The following ZFP91 variants were observed in gnomAD, a reference collection of about 807,000 sequenced individuals.
The protein encoded by ZFP91 is ZFP91 zinc finger protein, atypical E3 ubiquitin ligase.
A neutral mutation model predicts 63.5 loss-of-function variants in ZFP91; 7 were observed. That is an observed-to-expected ratio of 0.11 (90% CI 0.06 to 0.21). The LOEUF is 0.21. Ranked by LOEUF, ZFP91 falls within the 10% of genes least tolerant of loss-of-function variation. ZFP91 has a pLI of 1.00. For synonymous variants in ZFP91, 330 were observed against 272.1 expected (o/e 1.21, Z -2.10); for missense variants, 628 against 736.6 (o/e 0.85, Z 1.71).
Position 58,579,597 on chromosome 11 carries a change from C to A in ZFP91, c.316C>A (p.Gln106Lys), listed in dbSNP as rs961911989. 1.3e-6 allele frequency: 2 copies of A among 1,578,502 alleles called. No homozygotes were observed. The highest frequency in any genetic ancestry group is 1.7e-6 in the Non-Finnish European group (2 of 1,165,920). Residue 106 changes from glutamine (Q) to lysine (K), a missense_variant, in exon 1 of 11, where the codon CAG becomes AAG. By Grantham distance (53) the Gln-to-Lys change is moderately conservative. Around this residue, in one of 3 missense-constraint regions of ZFP91, gnomAD observed 437 missense variants for 380.3 expected, o/e 1.15. Coordinates refer to ENST00000316059, the MANE Select transcript of ZFP91 (RefSeq NM_053023.5). ...GGCCGCGAAGTCCCCGTCTCCAGTT[C>A]AGGGCAAGAAGAGTCCGCGACTCCT... ...PQAAKSPSPV[Q>K]GKKSPRLLCI...
chr11:58,587,570 C>G (rs184683191), intron 2 of ZFP91, among the ~76,000 whole-genome samples: 56 of 152,252 alleles, frequency 3.7e-4, no homozygotes, highest in African/African-American at 1.3e-3. Context: ...TGTGGAGTTT[C>G]CAAGAGTGTT....
chr11:58,612,201 G>A, intron 6 of ZFP91, 77 bp from the exon 7 acceptor site: 2 of 1,408,238 alleles, frequency 1.4e-6, no homozygotes, highest in East Asian at 2.3e-5. Flanking sequence ...GTGTGTGTGT[G>A]TGTGTGTCTT....
Position 58,617,126 on chromosome 11 carries a change from C to T in ZFP91, c.1203-70C>T. 5 of 1,441,296 alleles carry T rather than the reference C, an allele frequency of 3.5e-6. No individual in the cohort carries two copies. The highest frequency in any genetic ancestry group is 4.7e-6 in the Non-Finnish European group (5 of 1,074,882). The allele number at this position is 1,441,296 out of a possible 1,614,324, so 89.3% of individuals were successfully genotyped here. A position where few individuals can be genotyped will look rare whatever the true frequency, so the allele number is the denominator to read the frequency against. ...TGTATATATATGCTCTAAACTCTAA[C>T]CCTGATCCTGAATAAGAGCACTCTT... On this transcript the variant is annotated intron_variant, in intron 10 of 10. Transcript: ENST00000316059. This position sits in a 1 kb window ranked among gnomAD's most constrained non-coding sequence, Gnocchi z 4.2.
At chr11:58,601,442 C>G (rs1369041052) in intron 2 of ZFP91, among the ~76,000 whole-genome samples, 3 of 152,080 alleles carry the variant, frequency 2.0e-5, no homozygotes, top group Non-Finnish European at 4.4e-5. Flanking sequence ...ATTTTCATTT[C>G]TGGTTTTAGT....
chr11:58,617,070 T>TTTTGTG lies in ZFP91; in HGVS notation c.1203-125_1203-124insTTGTGT, dbSNP rs1554959246. 3.9e-4 allele frequency: 292 copies of TTTTGTG among 740,614 alleles called. No individual in the cohort carries two copies. Among genetic ancestry groups the TTTTGTG allele is most frequent in the Non-Finnish European group, 5.7e-4 (268 of 472,848 alleles). The allele number at this position is 740,614 out of a possible 1,614,324, so 45.9% of individuals were successfully genotyped here. ...TTCAAAAGAAGTATGTTACTGATTA[T>TTTTGTG]TGTGTGTGTGTGTGTGTGTGTGTGT... On this transcript the variant is annotated intron_variant, in intron 10 of 10. Coordinates refer to ENST00000316059, the MANE Select transcript of ZFP91 (RefSeq NM_053023.5). The surrounding 1 kb of genome is among the most constrained non-coding windows in gnomAD (Gnocchi z 4.2).
rs1012417867 is a variant in ZFP91 at position 58,579,530 on chromosome 11, C to T, written c.249C>T (p.Ser83=). 6 of 1,574,382 alleles carry T rather than the reference C, an allele frequency of 3.8e-6. No homozygotes were observed. In the Admixed American group the frequency reaches 7.2e-5, roughly 19 times the overall value. The part of the protein sequence containing the change: ...KAEYPRRRRS[S]PSARPPDVPG... Reference sequence around the variant, plus strand: ...AGTATCCCCGCCGGCGGAGGAGCAGCCCCAGCGCCAGGCCTCCCGACGTCC... The same window carrying T: ...AGTATCCCCGCCGGCGGAGGAGCAGTCCCAGCGCCAGGCCTCCCGACGTCC... The change falls in exon 1 of 11, where the codon AGC becomes AGT. Residue 83 remains serine (S), a synonymous_variant. Coordinates refer to ENST00000316059, the MANE Select transcript of ZFP91 (RefSeq NM_053023.5).
chr11:58,618,170 C>A lies in ZFP91; in HGVS notation c.*464C>A. ...CCTGCGGCACACTTATCTTCAAATA[C>A]CATAGAATTCTAATCTCTGGAGGCT... On this transcript the variant is annotated 3_prime_UTR_variant, in exon 11 of 11. Coordinates refer to ENST00000316059, the MANE Select transcript of ZFP91 (RefSeq NM_053023.5). 1 of 158,090 alleles carries A rather than the reference C, an allele frequency of 6.3e-6. No homozygotes were observed. The highest frequency in any genetic ancestry group is 1.9e-4 in the South Asian group (1 of 5,180). 9.8% of individuals were successfully genotyped at this position (158,090 alleles called of 1,614,324 possible). A position where few individuals can be genotyped will look rare whatever the true frequency, so the allele number is the denominator to read the frequency against.
chr11:58,611,094 T>C (rs1445044024), intron 5 of ZFP91, 40 bp downstream of exon 5: 2 of 1,579,146 alleles, frequency 1.3e-6, no homozygotes, highest in Admixed American at 1.7e-5. Flanking sequence ...TAATGAAATA[T>C]AAGTAGGAAA....
chr11:58,581,269 T>A (rs1855110558), intron 1 of ZFP91, among the ~76,000 whole-genome samples: 1 of 152,244 alleles, frequency 6.6e-6, no homozygotes. Context: ...AAAATATTTT[T>A]AAAATTTCCT....
At chr11:58,586,874 G>A in intron 2 of ZFP91, among the ~76,000 whole-genome samples, 1 of 152,084 alleles carries the variant, frequency 6.6e-6, no homozygotes, top group East Asian at 1.9e-4. Context: ...ACTTTAAACA[G>A]GTTTTATTTT....
At chr11:58,616,514 A>C (rs1276546462) in intron 9 of ZFP91, among the ~76,000 whole-genome samples, 7 of 152,012 alleles carry the variant, frequency 4.6e-5, no homozygotes, top group Non-Finnish European at 1.0e-4. Context: ...TTTTTTAAAC[A>C]GGTCCTTATG....
intron 2 of ZFP91, among the ~76,000 whole-genome samples, chr11:58,604,671 C>T (rs1189561758): frequency 6.6e-6 from 1 of 152,218 alleles, no homozygotes; most frequent in Admixed American, 6.5e-5. Context: ...CTGAATGCGG[C>T]TCAGAACGGC....
intron 1 of ZFP91, 40 bp downstream of exon 1, chr11:58,579,662 C>T: frequency 6.7e-7 from 1 of 1,498,460 alleles, no homozygotes; most frequent in Non-Finnish European, 8.9e-7. Flanking sequence ...AGACCCCCCT[C>T]TGTCCGTACG....
chr11:58,592,720 T>G (rs1440143043), intron 2 of ZFP91, among the ~76,000 whole-genome samples: 1 of 152,084 alleles, frequency 6.6e-6, no homozygotes, highest in African/African-American at 2.4e-5. Flanking sequence ...GACTTTCAGT[T>G]AAATTGGGAG....
rs183467698 is a variant in ZFP91, at chr11:58,612,017, A to G, written c.858-261A>G. On this transcript the variant is annotated intron_variant, in intron 6 of 10. Coordinates refer to ENST00000316059, the MANE Select transcript of ZFP91 (RefSeq NM_053023.5). The stretch of plus-strand genomic sequence containing the variant: ...GCAACTCTAAAAGTAATACATTGAG[A>G]TTCTTCTAAGTCTTTCATAGTATTG... The G allele has an allele frequency of 9.5e-6, 5 of 525,774 alleles. No homozygotes were observed. The East Asian group carries it at 1.5e-4, about 16-fold the overall frequency. The allele number at this position is 525,774 out of a possible 1,614,324, so 32.6% of individuals were successfully genotyped here.
In ZFP91 at chr11:58,609,863, C is replaced by G; in HGVS notation, c.404C>G (p.Ser135Cys). The G allele has an allele frequency of 6.2e-7, 1 of 1,614,176 alleles. No homozygotes were observed. Among genetic ancestry groups the G allele is most frequent in the Non-Finnish European group, 8.5e-7 (1 of 1,180,016 alleles). ...PKEEKEEEDD[S>C]ALPQEVSIAA... is the part of the protein sequence containing the mutation. ...GAAGAAAAAGAGGAAGAAGACGATT[C>G]TGCCCTCCCTCAGGAAGTTTCCATT... Residue 135 changes from serine to cysteine, a missense_variant, in exon 3 of 11, where the codon TCT becomes TGT. By Grantham distance (112) the Ser-to-Cys change is moderately radical. Around this residue, in one of 3 missense-constraint regions of ZFP91, gnomAD observed 437 missense variants for 380.3 expected, o/e 1.15. Transcript: ENST00000316059.
intron 1 of ZFP91, among the ~76,000 whole-genome samples, chr11:58,584,228 T>G (rs533597213): frequency 2.6e-5 from 4 of 152,256 alleles, no homozygotes; most frequent in African/African-American, 9.6e-5. Context: ...TTTTTACAAG[T>G]AGATTTTGAT....
chr11:58,607,204 A>G (rs1855582607), intron 2 of ZFP91, among the ~76,000 whole-genome samples: 1 of 152,202 alleles, frequency 6.6e-6, no homozygotes, highest in Non-Finnish European at 1.5e-5. Flanking sequence ...AGATGTGTCT[A>G]TTATTAAATG....
intron 2 of ZFP91, among the ~76,000 whole-genome samples, chr11:58,589,871 GTAGGCTTAAAAAGCCTTGATCATCAGC>G (rs1408826040): frequency 1.3e-5 from 2 of 152,180 alleles, no homozygotes; most frequent in African/African-American, 4.8e-5. Context: ...GAATTGTGAT[GTAGGCTTAAAAAGCCTTGATCATCAGC>G]TTATTTCAGT....
Sources: gnomAD v4.1 joint callset for allele counts (sites outside exome capture counted in the v4.1 genomes callset) on GRCh38, gnomAD v4.1.1 for gene constraint, gnomAD v4.1.1 regional missense constraint, Gnocchi (gnomAD v3.1) non-coding constraint, MANE v1.5 for transcripts, NCBI Gene and HGNC (gene_info 2026-07-23, HGNC 2026-07-21) for gene names.